The following OPA3 variants were observed in gnomAD, a reference collection of about 807,000 sequenced individuals.
The protein encoded by OPA3 is outer mitochondrial membrane lipid metabolism regulator OPA3, also known as optic atrophy 3 protein.
OPA3 carries 6 observed loss-of-function variants against 4.0 expected under a neutral mutation model. The ratio of observed to expected loss-of-function variants is 1.51; its 90% CI spans 0.83 to 2.99. OPA3 has a LOEUF of 2.99. Ranked by LOEUF, OPA3 falls within the 30% of genes most tolerant of loss-of-function variation. OPA3 has a pLI of 0.00. For synonymous variants in OPA3, 105 were observed against 117.1 expected, an observed-to-expected ratio of 0.90 and a Z score of 0.67; for missense variants, 235 against 256.2, an observed-to-expected ratio of 0.92 and a Z score of 0.56.
At chr19:45,557,702 G>A (rs554965691) in intron 1 of OPA3, among the ~76,000 whole-genome samples, 7 of 152,074 alleles carry the variant, frequency 4.6e-5, no homozygotes, top group Middle Eastern at 3.2e-3. Flanking sequence ...TCTGACCAAC[G>A]TTCTCCTCCC....
chr19:45,579,035 G>A (rs1241436224), intron 1 of OPA3, among the ~76,000 whole-genome samples: 3 of 151,980 alleles, frequency 2.0e-5, no homozygotes. Flanking sequence ...GTGTGCATGC[G>A]GGATCCTCTG....
chr19:45,561,347 A>T (rs1969499459), intron 1 of OPA3, among the ~76,000 whole-genome samples: 3 of 152,142 alleles, frequency 2.0e-5, no homozygotes, highest in Non-Finnish European at 4.4e-5. Flanking sequence ...AAAGAAAGAA[A>T]GAAAAAAAGG....
intron 1 of OPA3, among the ~76,000 whole-genome samples, chr19:45,572,597 T>TGATATATGTATATAAATATATATC (rs747788273): frequency 1.0e-4 from 13 of 129,842 alleles, no homozygotes; most frequent in Non-Finnish European, 2.1e-4. Context: ...ATATATATAT[T>TGATATATGTATATAAATATATATC]GATATATATC....
chr19:45,534,718 C>T (rs527561785), intron 1 of OPA3, among the ~76,000 whole-genome samples: 19 of 151,540 alleles, frequency 1.3e-4, no homozygotes, highest in Non-Finnish European at 2.4e-4. Context: ...CCACAACCTC[C>T]GCCTCCCAGG....
chr19:45,567,923 G>A lies in OPA3; in HGVS notation c.143-14012C>T, dbSNP rs143439543. ...CAATAAATTATTATTCAGGGTAAACGTAGCTTCAAGCCAGTCTCTGCCCTG... is the reference window on the plus strand; with the variant it reads ...CAATAAATTATTATTCAGGGTAAACATAGCTTCAAGCCAGTCTCTGCCCTG... On this transcript the variant is annotated intron_variant, in intron 1 of 1. Transcript: ENST00000263275. Among the ~76,000 whole-genome samples the A allele has an allele frequency of 4.0e-3, 608 of 152,234 alleles. 2 individuals carry two copies. Among genetic ancestry groups the A allele is most frequent in the African/African-American group, 0.013 (533 of 41,554 alleles).
rs543674522 is a variant in OPA3 at position 45,583,754 on chromosome 19, G to A, written c.142+869C>T. Among the ~76,000 whole-genome samples, 50 of 152,092 alleles carry A rather than the reference G, an allele frequency of 3.3e-4. No homozygotes were observed. In the South Asian group the frequency reaches 9.4e-3, roughly 28 times the overall value. On this transcript the variant is annotated intron_variant, in intron 1 of 1. Transcript: ENST00000263275. Reference sequence around the variant, plus strand: ...TGGCCTCATGTGATCCGCCCGCCTCGGCCTCCCAAAGTGCTGGTATTACAG... The same window carrying A: ...TGGCCTCATGTGATCCGCCCGCCTCAGCCTCCCAAAGTGCTGGTATTACAG...
exon 2 of OPA3, chr19:45,528,496 TAA>T (rs1969018975): frequency 6.4e-6 from 1 of 155,540 alleles, no homozygotes; most frequent in East Asian, 1.9e-4. Flanking sequence ...CCTTTCCCCC[TAA>T]GACTGAGGTA....
chr19:45,573,014 G>C (rs1382584167), intron 1 of OPA3, among the ~76,000 whole-genome samples: 4 of 151,662 alleles, frequency 2.6e-5, no homozygotes, highest in Non-Finnish European at 5.9e-5. Context: ...GCAACTTCCA[G>C]GACCTTTCAA....
rs1200579847 is a variant in OPA3 at position 45,553,535 on chromosome 19, T to C, written c.519A>G (p.Ala173=). 5 of 1,613,262 alleles carry C rather than the reference T, an allele frequency of 3.1e-6. No homozygotes were observed. The African/African-American group carries it at 4.0e-5, about 13-fold the overall frequency. Residue 173 remains alanine (A), a synonymous_variant, in exon 2 of 2, where the codon GCA becomes GCG. Transcript: ENST00000263275. ...GCTCCTATTTCTTGGACGCAGGCAC[T>C]GCGTGGGAAGCGGACCGGCCGGGAT... ...LCNPGRSASH[A]VPASKK is the part of the protein sequence containing the mutation.
chr19:45,539,249 C>A (rs982192326), intron 1 of OPA3, among the ~76,000 whole-genome samples: 1 of 151,980 alleles, frequency 6.6e-6, no homozygotes, highest in Non-Finnish European at 1.5e-5. Context: ...ATGTCACTGG[C>A]GGAAATGTAA....
chr19:45,573,600 A>C (rs1969720879), intron 1 of OPA3, among the ~76,000 whole-genome samples: 1 of 151,870 alleles, frequency 6.6e-6, no homozygotes, highest in Admixed American at 6.6e-5. Flanking sequence ...AGGTTAAATA[A>C]CTCTCCCTGG....
At chr19:45,539,865 A>G (rs1969164090) in intron 1 of OPA3, among the ~76,000 whole-genome samples, 1 of 152,196 alleles carries the variant, frequency 6.6e-6, no homozygotes, top group African/African-American at 2.4e-5. Context: ...CAGAAAGTAG[A>G]TCAGTGATTT....
chr19:45,534,133 T>G (rs1473755512), intron 1 of OPA3, among the ~76,000 whole-genome samples: 1 of 152,226 alleles, frequency 6.6e-6, no homozygotes, highest in African/African-American at 2.4e-5. Flanking sequence ...TGTAATGTTA[T>G]CTACACTCCT....
At chr19:45,572,781 C>CTA (rs60247518) in intron 1 of OPA3, among the ~76,000 whole-genome samples, 41,862 of 89,844 alleles carry the variant, frequency 0.47, 8,649 homozygotes, top group African/African-American at 0.62. Context: ...ATATATCATA[C>CTA]TATATATAGA....
At chr19:45,569,630 T>C (rs1158466258) in intron 1 of OPA3, among the ~76,000 whole-genome samples, 3 of 152,140 alleles carry the variant, frequency 2.0e-5, no homozygotes, top group Non-Finnish European at 4.4e-5. Flanking sequence ...GGTGACCCGG[T>C]TGTGGTAAGC....
intron 1 of OPA3, among the ~76,000 whole-genome samples, chr19:45,563,111 GA>G (rs1969529228): frequency 6.6e-6 from 1 of 152,148 alleles, no homozygotes; most frequent in Admixed American, 6.6e-5. Flanking sequence ...GTCCAGGTGG[GA>G]AAGGCCTTGC....
At chr19:45,537,758 G>C (rs936807997) in intron 1 of OPA3, among the ~76,000 whole-genome samples, 1 of 151,908 alleles carries the variant, frequency 6.6e-6, no homozygotes, top group South Asian at 2.1e-4. Context: ...TCAGCCTCCC[G>C]AGTGCCAGAG....
chr19:45,580,000 T>C (rs1337654563), intron 1 of OPA3, among the ~76,000 whole-genome samples: 50 of 100,448 alleles, frequency 5.0e-4, no homozygotes, highest in African/African-American at 3.9e-3. Context: ...TTTTTTTTTT[T>C]CTTTTTTTTT....
chr19:45,546,149 T>TTA, downstream of OPA3: 1 of 152,436 alleles, frequency 6.6e-6, no homozygotes. Flanking sequence ...ATCCAATGTG[T>TTA]TATGGAACAC....
Sources: gnomAD v4.1 joint callset for allele counts (sites outside exome capture counted in the v4.1 genomes callset) on GRCh38, gnomAD v4.1.1 for gene constraint, MANE v1.5 for transcripts, NCBI Gene and HGNC (gene_info 2026-07-23, HGNC 2026-07-21) for gene names.